Variants in ASCC3 observed in about 807,000 individuals in gnomAD.
ASCC3 encodes the protein activating signal cointegrator 1 complex subunit 3.
ASCC3 carries 158 observed loss-of-function variants against 256.3 expected under a neutral mutation model. That is an observed-to-expected ratio of 0.62 (90% CI 0.54 to 0.70). The LOEUF is 0.70. ASCC3 is among the 30% of genes least tolerant of loss of function. The probability of loss-of-function intolerance (pLI) is 0.00; values close to 1 mark genes in which losing one functional copy is unlikely to be tolerated. For synonymous variants in ASCC3, 948 were observed against 883.4 expected, an observed-to-expected ratio of 1.07 and a Z score of -1.30; for missense variants, 2,259 against 2,626.0, an observed-to-expected ratio of 0.86 and a Z score of 3.05.
chr6:100,573,065 C>A (rs1770678026), intron 36 of ASCC3, among the ~76,000 whole-genome samples: 1 of 152,052 alleles, frequency 6.6e-6, no homozygotes. Context: ...TCCAAAGTAA[C>A]ATAATATTGT....
chr6:100,535,974 T>C (rs1266155399), intron 37 of ASCC3, among the ~76,000 whole-genome samples: 3 of 152,212 alleles, frequency 2.0e-5, no homozygotes, highest in South Asian at 2.1e-4. Flanking sequence ...GAAATTATTC[T>C]TGAGAACAAT....
intron 36 of ASCC3, among the ~76,000 whole-genome samples, chr6:100,582,074 T>G (rs1372899678): frequency 6.6e-6 from 1 of 151,798 alleles, no homozygotes; most frequent in Non-Finnish European, 1.5e-5. Flanking sequence ...TGCGGGCTCT[T>G]TTTTGGTTCC....
chr6:100,737,157 A>T, intron 10 of ASCC3, among the ~76,000 whole-genome samples: 1 of 151,786 alleles, frequency 6.6e-6, no homozygotes, highest in Middle Eastern at 3.4e-3. Flanking sequence ...TTTAAAAAAA[A>T]AAAGGCGGGG....
intron 10 of ASCC3, among the ~76,000 whole-genome samples, chr6:100,759,537 G>T (rs1781337319): frequency 6.6e-6 from 1 of 151,946 alleles, no homozygotes; most frequent in African/African-American, 2.4e-5. Flanking sequence ...TTATCAGATG[G>T]TTGTAAATGT....
chr6:100,583,528 C>T (rs1040370981), intron 36 of ASCC3, among the ~76,000 whole-genome samples: 9 of 152,064 alleles, frequency 5.9e-5, no homozygotes, highest in Admixed American at 5.9e-4. Flanking sequence ...TTGATCCTTT[C>T]CAAAAACCAG....
chr6:100,775,393 T>G (rs1225304137), intron 8 of ASCC3, among the ~76,000 whole-genome samples: 1 of 152,004 alleles, frequency 6.6e-6, no homozygotes, highest in Non-Finnish European at 1.5e-5. Flanking sequence ...ATGAAGAAAT[T>G]ATCAGAGGGA....
intron 10 of ASCC3, among the ~76,000 whole-genome samples, chr6:100,752,322 G>T (rs1413157887): frequency 6.6e-6 from 1 of 152,042 alleles, no homozygotes; most frequent in African/African-American, 2.4e-5. Flanking sequence ...CAAAGCTAAT[G>T]AGATTCAGGA....
chr6:100,677,035 T>C (rs796534940), intron 14 of ASCC3, among the ~76,000 whole-genome samples: 3 of 152,136 alleles, frequency 2.0e-5, no homozygotes, highest in Non-Finnish European at 4.4e-5. Flanking sequence ...TGTTTTGGGT[T>C]CTTAATTTCC....
At chr6:100,879,123 A>G (rs1466900746) in intron 1 of ASCC3, among the ~76,000 whole-genome samples, 1 of 152,224 alleles carries the variant, frequency 6.6e-6, no homozygotes, top group Non-Finnish European at 1.5e-5. Flanking sequence ...TATAAAGGAT[A>G]TTACAAAGGA....
chr6:100,544,945 T>TTTAACATTTAGCAAA (rs1253253976), intron 36 of ASCC3, among the ~76,000 whole-genome samples: 1 of 152,150 alleles, frequency 6.6e-6, no homozygotes, highest in East Asian at 1.9e-4. Context: ...ATAAACAGAA[T>TTTAACATTTAGCAAA]AATACATCAT....
At chr6:100,792,221 A>G (rs1477066292) in intron 8 of ASCC3, among the ~76,000 whole-genome samples, 2 of 151,890 alleles carry the variant, frequency 1.3e-5, no homozygotes, top group African/African-American at 4.8e-5. Flanking sequence ...GAAACCAGTA[A>G]TACTTCCTGT....
chr6:100,560,748 A>AC, intron 36 of ASCC3, among the ~76,000 whole-genome samples: 1 of 133,946 alleles, frequency 7.5e-6, no homozygotes, highest in African/African-American at 2.8e-5. Context: ...ATCTTAGAGG[A>AC]ACACACACAC....
At chr6:100,511,628 G>A (rs544285462) in intron 40 of ASCC3, among the ~76,000 whole-genome samples, 4 of 152,210 alleles carry the variant, frequency 2.6e-5, no homozygotes, top group East Asian at 1.9e-4. Flanking sequence ...AGCTATTTGG[G>A]AGGCTGAAGC....
At chr6:100,701,202 A>G (rs561499792) in intron 13 of ASCC3, among the ~76,000 whole-genome samples, 13 of 152,370 alleles carry the variant, frequency 8.5e-5, no homozygotes, top group Non-Finnish European at 1.5e-4. Flanking sequence ...ATCTTTCAAA[A>G]ATCAAAAATT....
At chr6:100,591,505 T>G (rs1736140298) in intron 34 of ASCC3, among the ~76,000 whole-genome samples, 1 of 152,088 alleles carries the variant, frequency 6.6e-6, no homozygotes, top group South Asian at 2.1e-4. Context: ...CCAATACTAT[T>G]TTTAGCTGTC....
At chr6:100,768,992 A>G (rs1026489571) in intron 8 of ASCC3, among the ~76,000 whole-genome samples, 1 of 152,144 alleles carries the variant, frequency 6.6e-6, no homozygotes, top group Non-Finnish European at 1.5e-5. Flanking sequence ...CTGATGAAAG[A>G]AGAAATCAAA....
chr6:100,706,742 T>C (rs1299168759), intron 13 of ASCC3, among the ~76,000 whole-genome samples: 2 of 152,054 alleles, frequency 1.3e-5, no homozygotes, highest in African/African-American at 4.8e-5. Context: ...AGTAGAAACC[T>C]TAAACAGAGC....
At chr6:100,782,128 C>G (rs899418538) in intron 8 of ASCC3, among the ~76,000 whole-genome samples, 1 of 152,108 alleles carries the variant, frequency 6.6e-6, no homozygotes, top group Non-Finnish European at 1.5e-5. Context: ...TATAGTCCAA[C>G]TAGGGTTCCT....
At chr6:100,656,574 A>T (rs541785299) in intron 16 of ASCC3, among the ~76,000 whole-genome samples, 108 of 151,688 alleles carry the variant, frequency 7.1e-4, no homozygotes, top group Non-Finnish European at 1.3e-3. Context: ...ATATTTTTAA[A>T]TATAGCATTT....
Sources: allele counts gnomAD v4.1 joint callset (sites outside exome capture counted in the v4.1 genomes callset), GRCh38; gene constraint gnomAD v4.1.1; transcripts MANE v1.5; gene names NCBI Gene and HGNC (gene_info 2026-07-23, HGNC 2026-07-21).